Variants in ADGRV1 observed in about 807,000 individuals in gnomAD.
The protein encoded by ADGRV1 is adhesion G protein-coupled receptor V1.
In ADGRV1, 359 loss-of-function variants were observed where a neutral mutation model predicts 596.2. The ratio of observed to expected loss-of-function variants is 0.60; its 90% CI spans 0.55 to 0.66. The LOEUF is 0.66. ADGRV1 is among the 30% of genes least tolerant of loss of function. The probability of loss-of-function intolerance (pLI) is 0.00; values close to 1 mark genes in which losing one functional copy is unlikely to be tolerated. For synonymous variants in ADGRV1, 2,681 were observed against 2,679.2 expected (o/e 1.00, Z -0.02); for missense variants, 7,274 against 7,575.6 (o/e 0.96, Z 1.48).
intron 18 of ADGRV1, among the ~76,000 whole-genome samples, 173 bp from the exon 19 acceptor site, chr5:90,652,173 G>C (rs1768724591): frequency 6.6e-6 from 1 of 152,100 alleles, no homozygotes; most frequent in South Asian, 2.1e-4. Flanking sequence ...TTTTATTAAA[G>C]TTCTACCTTA....
At chr5:91,063,604 T>G (rs1787638977) in intron 85 of ADGRV1, among the ~76,000 whole-genome samples, 1 of 152,234 alleles carries the variant, frequency 6.6e-6, no homozygotes, top group African/African-American at 2.4e-5. Context: ...TAGAAGATTC[T>G]GATGATTCAG....
At chr5:90,922,477 A>C (rs116172315) in intron 83 of ADGRV1, among the ~76,000 whole-genome samples, 1,828 of 152,250 alleles carry the variant, frequency 0.012, 18 homozygotes, top group Middle Eastern at 0.02. Flanking sequence ...TTGCCGGCTC[A>C]CTGTCACTTA....
chr5:90,622,446 A>G, intron 4 of ADGRV1, 151 bp from the exon 5 acceptor site: 1 of 411,540 alleles, frequency 2.4e-6, no homozygotes. Flanking sequence ...TTAAAGCTAT[A>G]GTTCATTGAT....
At chr5:90,903,704 T>C (rs1772058078) in intron 83 of ADGRV1, among the ~76,000 whole-genome samples, 2 of 152,036 alleles carry the variant, frequency 1.3e-5, no homozygotes, top group Non-Finnish European at 1.5e-5. Context: ...ATGCAATGTA[T>C]AATAATCACA....
intron 85 of ADGRV1, among the ~76,000 whole-genome samples, chr5:91,000,187 T>C (rs1485657754): frequency 6.6e-6 from 1 of 152,150 alleles, no homozygotes; most frequent in Non-Finnish European, 1.5e-5. Flanking sequence ...CAATTTTATC[T>C]CCTGCTTATT....
rs184193322 is a variant in ADGRV1 at position 90,858,363 on chromosome 5, A to C, written c.17755+2462A>C. On this transcript the variant is annotated intron_variant, in intron 82 of 89. Transcript: ENST00000405460. ...ATTGCTATTTTGAGGATGTCAAGGA[A>C]GCCTACTCTGCCTTCCCATAACTCT... Among the ~76,000 whole-genome samples, 230 of 152,310 alleles carry C rather than the reference A, an allele frequency of 1.5e-3. 1 individual carries two copies. Among genetic ancestry groups the C allele is most frequent in the Non-Finnish European group, 1.1e-3 (75 of 68,018 alleles).
chr5:90,652,423 C>T lies in ADGRV1; in HGVS notation c.3494C>T (p.Pro1165Leu). The T allele has an allele frequency of 6.2e-7, 1 of 1,612,694 alleles. No homozygotes were observed. Among genetic ancestry groups the T allele is most frequent in the South Asian group, 1.1e-5 (1 of 90,744 alleles). ...QLFQNDSALQ[P>L]GQEFYETSGT... is the part of the protein sequence containing the mutation. ...TTTCAGAATGATTCTGCTTTGCAGC[C>T]TGGGCAGGAGTTCTATGAAACTTCA... The change falls in exon 19 of 90, where the codon CCT becomes CTT. Residue 1165 changes from proline to leucine, a missense_variant. Coordinates refer to ENST00000405460, the MANE Select transcript of ADGRV1 (RefSeq NM_032119.4).
At position 90,679,599 on chromosome 5, in the gene ADGRV1, G is replaced by C; in HGVS notation, c.5494G>C (p.Glu1832Gln). The change falls in exon 26 of 90, where the codon GAA becomes CAA. Residue 1832 changes from glutamate to glutamine, a missense_variant. Physicochemically the swap from Glu to Gln is conservative, Grantham distance 29. Around this residue, in one of 5 missense-constraint regions of ADGRV1, gnomAD observed 3,643 missense variants for 3,809.2 expected, o/e 0.96. Transcript: ENST00000405460. ...DGSGSGDGDM[E>Q]FFLPTIHKRA... Reference sequence around the variant, plus strand: ...AAGTGGTAGTGGTGATGGGGACATGGAATTCTTCCTTCCAACTATTCACAA... The same window carrying C: ...AAGTGGTAGTGGTGATGGGGACATGCAATTCTTCCTTCCAACTATTCACAA... 1 of 1,613,612 alleles carries C rather than the reference G, an allele frequency of 6.2e-7. No homozygotes were observed. Among genetic ancestry groups the C allele is most frequent in the Non-Finnish European group, 8.5e-7 (1 of 1,179,674 alleles).
chr5:90,835,089 C>T (rs781416860), intron 77 of ADGRV1, among the ~76,000 whole-genome samples: 4 of 151,900 alleles, frequency 2.6e-5, no homozygotes, highest in African/African-American at 7.3e-5. Context: ...TTGATGCTTG[C>T]GGATATTTGT....
At position 90,629,198 on chromosome 5, in the gene ADGRV1, CCTTTA is replaced by C. The variant is rs1284421904; in HGVS notation, c.1510-8_1510-4del. 9.6e-6 allele frequency: 14 copies of C among 1,464,766 alleles called. No individual in the cohort carries two copies. Among genetic ancestry groups the C allele is most frequent in the Non-Finnish European group, 1.3e-5 (14 of 1,093,756 alleles). The allele number at this position is 1,464,766 out of a possible 1,614,324, so 90.7% of individuals were successfully genotyped here. ...GAATTCTGTACTTTAATATTTTATT[CCTTTA>C]CTTCAGCTTTTGTTCTACATTCAGG... On this transcript the variant is annotated splice_region_variant and splice_polypyrimidine_tract_variant and intron_variant, in intron 8 of 89. Transcript: ENST00000405460.
Position 90,653,477 on chromosome 5 carries a change from T to C in ADGRV1, c.3903T>C (p.Asp1301=). The C allele has an allele frequency of 6.2e-7, 1 of 1,613,916 alleles. No individual in the cohort carries two copies. Among genetic ancestry groups the C allele is most frequent in the Non-Finnish European group, 8.5e-7 (1 of 1,179,882 alleles). ...EFPAGLPPMI[D]FLLVGIFPTT... ...CTGCTGGTTTGCCACCAATGATAGA[T>C]TTTTTACTGGTTGGAATTTTCCCCA... Residue 1301 remains aspartate (D), a synonymous_variant, in exon 20 of 90, where the codon GAT becomes GAC. Transcript: ENST00000405460.
At chr5:90,886,209 A>C (rs566706609) in intron 83 of ADGRV1, among the ~76,000 whole-genome samples, 1 of 152,250 alleles carries the variant, frequency 6.6e-6, no homozygotes, top group South Asian at 2.1e-4. Flanking sequence ...AGTATTACCT[A>C]ATAGTCGGGA....
chr5:90,778,921 C>A lies in ADGRV1; in HGVS notation c.12906C>A (p.Tyr4302Ter). ...SGDFGHVRLW[Y>*]KTMSGTAEAG... Reference sequence around the variant, plus strand: ...ATTTTGGCCATGTGCGACTCTGGTACAAGACGATGAGCGGGACAGCGGAAG... The same window carrying A: ...ATTTTGGCCATGTGCGACTCTGGTAAAAGACGATGAGCGGGACAGCGGAAG... Residue 4302 changes from tyrosine (Y) to a stop codon, truncating the protein, a stop_gained, in exon 64 of 90, where the codon TAC becomes TAA. Coordinates refer to ENST00000405460, the MANE Select transcript of ADGRV1 (RefSeq NM_032119.4). LOFTEE classifies it high-confidence loss of function. The A allele has an allele frequency of 6.2e-7, 1 of 1,613,432 alleles. No homozygotes were observed. The highest frequency in any genetic ancestry group is 8.5e-7 in the Non-Finnish European group (1 of 1,179,508).
chr5:90,647,349 C>G, intron 16 of ADGRV1, 149 bp from the exon 17 acceptor site: 1 of 626,080 alleles, frequency 1.6e-6, no homozygotes. Flanking sequence ...AGAGGGTAGT[C>G]ATGTCAGAGT....
chr5:90,928,947 G>C lies in ADGRV1; in HGVS notation c.17857-36468G>C, dbSNP rs556440457. On this transcript the variant is annotated intron_variant, in intron 83 of 89. Coordinates refer to ENST00000405460, the MANE Select transcript of ADGRV1 (RefSeq NM_032119.4). Reference sequence around the variant, plus strand: ...GTGCCTCCCAGTTAGGCTGCTCGGGGGTCAGGGGTCAGGGACCCACTTGAG... The same window carrying C: ...GTGCCTCCCAGTTAGGCTGCTCGGGCGTCAGGGGTCAGGGACCCACTTGAG... Among the ~76,000 whole-genome samples, 164 of 146,990 alleles carry C rather than the reference G, an allele frequency of 1.1e-3. 2 individuals are homozygous for C. The Middle Eastern group carries it at 0.021, about 18-fold the overall frequency.
chr5:90,578,158 A>G (rs1277666132), intron 1 of ADGRV1, among the ~76,000 whole-genome samples: 1 of 152,108 alleles, frequency 6.6e-6, no homozygotes, highest in Non-Finnish European at 1.5e-5. Context: ...TGTTGAATAG[A>G]AGTGGTGAGA....
At chr5:90,739,313 C>A (rs142545317) in intron 50 of ADGRV1, among the ~76,000 whole-genome samples, 66 of 151,996 alleles carry the variant, frequency 4.3e-4, no homozygotes, top group African/African-American at 1.5e-3. Context: ...CTTCAAGATC[C>A]ATTATTGGAA....
At chr5:90,834,832 ATTCTTTT>A (rs1223646219) in intron 77 of ADGRV1, among the ~76,000 whole-genome samples, 1 of 150,102 alleles carries the variant, frequency 6.7e-6, no homozygotes, top group Non-Finnish European at 1.5e-5. Context: ...TTTCATTTTT[ATTCTTTT>A]TTCTTTTGTT....
chr5:90,667,088 C>G (rs1283708305), intron 21 of ADGRV1, among the ~76,000 whole-genome samples: 2 of 151,502 alleles, frequency 1.3e-5, no homozygotes, highest in Admixed American at 6.6e-5. Context: ...AATTATGTGT[C>G]TTGGAGTTGC....
Sources: gnomAD v4.1 joint callset for allele counts (sites outside exome capture counted in the v4.1 genomes callset) on GRCh38, gnomAD v4.1.1 for gene constraint, gnomAD v4.1.1 regional missense constraint, MANE v1.5 for transcripts, NCBI Gene and HGNC (gene_info 2026-07-23, HGNC 2026-07-21) for gene names.